Variants in ZSWIM5 observed in about 807,000 individuals in gnomAD.
ZSWIM5 encodes zinc finger SWIM domain-containing protein 5.
Under a neutral mutation model 119.6 loss-of-function variants are expected in ZSWIM5, and 55 were observed. The observed-to-expected ratio is 0.46, with a 90% CI of 0.37 to 0.58. The LOEUF is 0.58. Among genes scored for constraint, ZSWIM5 ranks in the 20% least tolerant of loss-of-function variants. The pLI is 0.00. For synonymous variants in ZSWIM5, 537 were observed against 606.9 expected (o/e 0.88, Z 1.69); for missense variants, 1,193 against 1,512.8 (o/e 0.79, Z 3.51).
At chr1:45,150,772 T>C (rs574772711) in intron 1 of ZSWIM5, among the ~76,000 whole-genome samples, 2 of 152,210 alleles carry the variant, frequency 1.3e-5, no homozygotes, top group Admixed American at 6.5e-5. Flanking sequence ...AAATGAAGTC[T>C]GGTATATTAC....
At chr1:45,113,942 T>C (rs1393194064) in intron 1 of ZSWIM5, among the ~76,000 whole-genome samples, 2 of 152,228 alleles carry the variant, frequency 1.3e-5, no homozygotes, top group African/African-American at 2.4e-5. Context: ...ACTTCTACTT[T>C]TCCTCACCTT....
chr1:45,120,218 C>CT (rs1645582884), intron 1 of ZSWIM5, among the ~76,000 whole-genome samples: 2 of 152,192 alleles, frequency 1.3e-5, no homozygotes, highest in Admixed American at 1.3e-4. Flanking sequence ...GTGGCACATG[C>CT]TTGTAGTCTC....
chr1:45,078,300 C>T (rs749823475), intron 2 of ZSWIM5, among the ~76,000 whole-genome samples: 3 of 152,174 alleles, frequency 2.0e-5, no homozygotes, highest in Non-Finnish European at 2.9e-5. Flanking sequence ...CCTGACTTCC[C>T]GCAACACCTG....
intron 1 of ZSWIM5, among the ~76,000 whole-genome samples, chr1:45,093,729 C>T (rs1645381287): frequency 6.6e-6 from 1 of 152,108 alleles, no homozygotes; most frequent in African/African-American, 2.4e-5. Flanking sequence ...CTGATTACTC[C>T]TGAGAATAAA....
intron 1 of ZSWIM5, among the ~76,000 whole-genome samples, chr1:45,161,522 G>C (rs1302632388): frequency 6.6e-6 from 1 of 152,084 alleles, no homozygotes; most frequent in Non-Finnish European, 1.5e-5. Flanking sequence ...CTGAACACTT[G>C]GAAAATATGT....
At chr1:45,133,779 G>C (rs346691) in intron 1 of ZSWIM5, among the ~76,000 whole-genome samples, 1 of 151,454 alleles carries the variant, frequency 6.6e-6, no homozygotes, top group African/African-American at 2.4e-5. Context: ...TCTTGAATTA[G>C]TTTTTGTATA....
chr1:45,060,031 T>C lies in ZSWIM5; in HGVS notation c.1101+68A>G, dbSNP rs1204047807. The C allele has an allele frequency of 4.5e-6, 7 of 1,563,056 alleles. No homozygotes were observed. In the Admixed American group the frequency reaches 1.0e-4, roughly 23 times the overall value. On this transcript the variant is annotated intron_variant, in intron 3 of 13. Transcript: ENST00000359600. ...GGTATAATGCATGAAGCCTGAAGTG[T>C]GGTGTGCCCAGTCTGACTTAAGCTT... is the stretch of plus-strand genomic sequence containing the variant.
rs1645369594 is a variant in ZSWIM5 at position 45,092,150 on chromosome 1, CA to C, written c.596-3914del. 3.3e-5 allele frequency among the ~76,000 whole-genome samples: 5 copies of C among 152,156 alleles called. No individual in the cohort carries two copies. The South Asian group carries it at 8.3e-4, about 25-fold the overall frequency. ...ATTTAATAAATGGTGGCTGATCTTACAAAGCAAAGGTCTTTTACTTAGCCTT... is the reference window on the plus strand; with the variant it reads ...ATTTAATAAATGGTGGCTGATCTTACAAGCAAAGGTCTTTTACTTAGCCTT... On this transcript the variant is annotated intron_variant, in intron 1 of 13. Coordinates refer to ENST00000359600, the MANE Select transcript of ZSWIM5 (RefSeq NM_020883.2).
chr1:45,205,704 C>A, intron 1 of ZSWIM5, 52 bp downstream of exon 1: 1 of 1,454,756 alleles, frequency 6.9e-7, no homozygotes, highest in South Asian at 1.2e-5. Context: ...CGAGAAGAGG[C>A]ACCCGCGGAA....
intron 1 of ZSWIM5, among the ~76,000 whole-genome samples, chr1:45,124,071 A>G (rs1488121474): frequency 6.6e-6 from 1 of 152,214 alleles, no homozygotes; most frequent in Non-Finnish European, 1.5e-5. Context: ...TCAAGACATT[A>G]AAACAAATCT....
At chr1:45,166,484 G>T (rs1645904474) in intron 1 of ZSWIM5, among the ~76,000 whole-genome samples, 1 of 152,050 alleles carries the variant, frequency 6.6e-6, no homozygotes, top group Non-Finnish European at 1.5e-5. Flanking sequence ...TCAGGCAGGA[G>T]AAAGAAATAA....
chr1:45,097,516 T>C (rs193178798), intron 1 of ZSWIM5, among the ~76,000 whole-genome samples: 31 of 152,340 alleles, frequency 2.0e-4, no homozygotes, highest in Admixed American at 5.9e-4. Flanking sequence ...ACCTGAGACA[T>C]AATCATTTCA....
At chr1:45,187,767 T>TA (rs1646067995) in intron 1 of ZSWIM5, among the ~76,000 whole-genome samples, 1 of 152,066 alleles carries the variant, frequency 6.6e-6, no homozygotes, top group African/African-American at 2.4e-5. Context: ...AAATCCAATT[T>TA]AAAAATGGGC....
chr1:45,191,160 C>G lies in ZSWIM5; in HGVS notation c.595+14596G>C, dbSNP rs1020283141. On this transcript the variant is annotated intron_variant, in intron 1 of 13. Transcript: ENST00000359600. ...ACCTCGTGATCCGCCCGCTCCTTAT[C>G]CTGACCTCGTGATCCGCCCGCCTCG... 4.2e-4 allele frequency among the ~76,000 whole-genome samples: 63 copies of G among 151,512 alleles called. 3 individuals are homozygous for G. The highest frequency in any genetic ancestry group is 4.2e-4 in the South Asian group (2 of 4,782).
At chr1:45,166,040 C>T (rs1326089068) in intron 1 of ZSWIM5, among the ~76,000 whole-genome samples, 1 of 152,098 alleles carries the variant, frequency 6.6e-6, no homozygotes, top group African/African-American at 2.4e-5. Context: ...ACCAATATCC[C>T]TGATGAACAT....
chr1:45,044,987 C>A (rs530513626), intron 5 of ZSWIM5, among the ~76,000 whole-genome samples: 2 of 144,590 alleles, frequency 1.4e-5, no homozygotes, highest in African/African-American at 5.1e-5. Context: ...AGTAACAAAG[C>A]AAGATCATGC....
chr1:45,157,734 G>C (rs1645838611), intron 1 of ZSWIM5, among the ~76,000 whole-genome samples: 1 of 151,938 alleles, frequency 6.6e-6, no homozygotes, highest in Non-Finnish European at 1.5e-5. Context: ...TCGGTCATAG[G>C]GTAAGTGTAT....
intron 1 of ZSWIM5, among the ~76,000 whole-genome samples, chr1:45,114,548 C>T (rs1043873070): frequency 1.3e-5 from 2 of 151,870 alleles, no homozygotes; most frequent in Non-Finnish European, 2.9e-5. Flanking sequence ...TCAATACTTC[C>T]TTTTTCAATA....
intron 5 of ZSWIM5, among the ~76,000 whole-genome samples, chr1:45,047,477 A>C (rs1452669517): frequency 6.6e-6 from 1 of 152,196 alleles, no homozygotes; most frequent in Non-Finnish European, 1.5e-5. Context: ...CCAGAGAGGC[A>C]CGTGGAGTCA....
Sources: allele counts gnomAD v4.1 joint callset (sites outside exome capture counted in the v4.1 genomes callset), GRCh38; gene constraint gnomAD v4.1.1; transcripts MANE v1.5; gene names NCBI Gene and HGNC (gene_info 2026-07-23, HGNC 2026-07-21).